DCDC2C: variants seen among roughly 807,000 people sequenced by gnomAD.
The protein encoded by DCDC2C is doublecortin domain containing 2C, also known as doublecortin domain-containing protein 2C.
A neutral mutation model predicts 45.0 loss-of-function variants in DCDC2C; 44 were observed. That is an observed-to-expected ratio of 0.98 (90% CI 0.77 to 1.26). The LOEUF (loss-of-function observed/expected upper bound fraction) is 1.26. DCDC2C is among the 50% of genes most tolerant of loss of function. DCDC2C has a pLI of 0.00. For missense variants in DCDC2C, 447 were observed against 468.9 expected (o/e 0.95, Z 0.43); for synonymous variants, 187 against 178.8 (o/e 1.05, Z -0.37).
intron 10 of DCDC2C, among the ~76,000 whole-genome samples, chr2:3,827,768 A>C (rs576365380): frequency 6.6e-5 from 10 of 152,274 alleles, no homozygotes; most frequent in Admixed American, 1.3e-4. Context: ...AGATATTAAA[A>C]TATAAAGATG....
At chr2:3,812,295 C>G (rs1671418664) in intron 10 of DCDC2C, among the ~76,000 whole-genome samples, 1 of 151,476 alleles carries the variant, frequency 6.6e-6, no homozygotes, top group South Asian at 2.1e-4. Flanking sequence ...TCAACTTCTT[C>G]CTTGGTTAGT....
intron 6 of DCDC2C, among the ~76,000 whole-genome samples, chr2:3,755,531 G>A (rs1384926248): frequency 6.7e-6 from 1 of 149,932 alleles, no homozygotes; most frequent in Admixed American, 6.8e-5. Flanking sequence ...ATGTGCGTAT[G>A]TATGAATGTG....
rs150908313 is a variant in DCDC2C, at chr2:3,736,337, C to T, written c.417-5583C>T. On this transcript the variant is annotated intron_variant, in intron 3 of 10. Transcript: ENST00000399143. ...TGAGAAAGAGGCAAGTCGTGAGGCACAGGATCAAAACCCACCCCTGGTGAA... is the reference window on the plus strand; with the variant it reads ...TGAGAAAGAGGCAAGTCGTGAGGCATAGGATCAAAACCCACCCCTGGTGAA... Among the ~76,000 whole-genome samples, 591 of 152,292 alleles carry T rather than the reference C, an allele frequency of 3.9e-3. 4 individuals carry two copies. Among genetic ancestry groups the T allele is most frequent in the African/African-American group, 0.013 (558 of 41,552 alleles).
intron 10 of DCDC2C, among the ~76,000 whole-genome samples, 195 bp from the exon 11 acceptor site, chr2:3,846,959 G>A (rs1370202627): frequency 6.6e-6 from 1 of 152,216 alleles, no homozygotes; most frequent in Non-Finnish European, 1.5e-5. Flanking sequence ...CTGCACGGCG[G>A]CATGTTGCCG....
At chr2:3,733,590 G>C (rs1371773899) in intron 3 of DCDC2C, among the ~76,000 whole-genome samples, 1 of 152,186 alleles carries the variant, frequency 6.6e-6, no homozygotes, top group Non-Finnish European at 1.5e-5. Context: ...CGAGATTGAG[G>C]TGCTAGCAGG....
intron 6 of DCDC2C, among the ~76,000 whole-genome samples, chr2:3,764,991 G>A (rs1401090941): frequency 6.6e-6 from 1 of 152,216 alleles, no homozygotes; most frequent in Non-Finnish European, 1.5e-5. Flanking sequence ...TGTTTCTGTT[G>A]TGAGGAAACA....
intron 3 of DCDC2C, among the ~76,000 whole-genome samples, chr2:3,728,332 T>G (rs1369064636): frequency 6.6e-6 from 1 of 152,240 alleles, no homozygotes; most frequent in Non-Finnish European, 1.5e-5. Context: ...TACACAGATC[T>G]TTCCACACCA....
At position 3,798,272 on chromosome 2, in the gene DCDC2C, G is replaced by A. The variant is rs1330256039; in HGVS notation, c.1065+13172G>A. Among the ~76,000 whole-genome samples the A allele has an allele frequency of 4.6e-5, 7 of 151,802 alleles. No individual in the cohort carries two copies. The East Asian group carries it at 5.8e-4, about 13-fold the overall frequency. The stretch of plus-strand genomic sequence containing the variant: ...TTTGAGCCTATGTGTGTCTCTGCAC[G>A]TGAGATGGGTTTCCTGAATACAGCA... On this transcript the variant is annotated intron_variant, in intron 10 of 10. Transcript: ENST00000399143.
At chr2:3,844,615 G>T (rs553757075) in intron 10 of DCDC2C, 3 of 152,124 alleles carry the variant, frequency 2.0e-5, no homozygotes, top group African/African-American at 7.2e-5. Context: ...AAATAAAAGC[G>T]GACATTTTTT....
At chr2:3,793,226 C>T (rs76384737) in intron 10 of DCDC2C, among the ~76,000 whole-genome samples, 15,137 of 152,214 alleles carry the variant, frequency 0.099, 1,027 homozygotes, top group East Asian at 0.29. Context: ...CGCAAATTTA[C>T]ACCTTGATTT....
At chr2:3,843,917 C>T (rs1391094317) in intron 10 of DCDC2C, among the ~76,000 whole-genome samples, 1 of 151,902 alleles carries the variant, frequency 6.6e-6, no homozygotes, top group Non-Finnish European at 1.5e-5. Flanking sequence ...CTTGTAATAC[C>T]CTATGTGAAA....
intron 10 of DCDC2C, among the ~76,000 whole-genome samples, chr2:3,808,903 A>AT: frequency 6.6e-6 from 1 of 152,272 alleles, no homozygotes; most frequent in African/African-American, 2.4e-5. Context: ...TCCAGGACCC[A>AT]TTTTGAGTTA....
At chr2:3,813,690 G>T (rs1671476889) in intron 10 of DCDC2C, among the ~76,000 whole-genome samples, 3 of 141,674 alleles carry the variant, frequency 2.1e-5, no homozygotes, top group Admixed American at 7.0e-5. Context: ...GACCTTTGCT[G>T]GTTAAAGTCT....
In DCDC2C at chr2:3,703,745, C is replaced by A. The variant is rs1353134713; in HGVS notation, c.-7C>A. 42 of 1,230,394 alleles carry A rather than the reference C, an allele frequency of 3.4e-5. No homozygotes were observed. The highest frequency in any genetic ancestry group is 4.1e-5 in the Non-Finnish European group (40 of 986,536). The allele number at this position is 1,230,394 out of a possible 1,614,324, so 76.2% of individuals were successfully genotyped here. A position where few individuals can be genotyped will look rare whatever the true frequency, so the allele number is the denominator to read the frequency against. On this transcript the variant is annotated 5_prime_UTR_variant, in exon 1 of 11. Coordinates refer to ENST00000399143, the MANE Select transcript of DCDC2C (RefSeq NM_001287444.2). The surrounding 1 kb of genome is among the most constrained non-coding windows in gnomAD (Gnocchi z 4.4). ...CGGCCCCGGCGAGCGAGGAGCGGGGCGCGGCTATGGGAACCCGCGGGCCCT... is the reference window on the plus strand; with the variant it reads ...CGGCCCCGGCGAGCGAGGAGCGGGGAGCGGCTATGGGAACCCGCGGGCCCT...
chr2:3,766,070 T>G (rs1366982806), intron 6 of DCDC2C, among the ~76,000 whole-genome samples: 1 of 152,094 alleles, frequency 6.6e-6, no homozygotes, highest in Non-Finnish European at 1.5e-5. Context: ...TTACTTTCGT[T>G]TTGGGTGACT....
At chr2:3,725,134 G>A in intron 2 of DCDC2C, among the ~76,000 whole-genome samples, 1 of 152,184 alleles carries the variant, frequency 6.6e-6, no homozygotes, top group East Asian at 1.9e-4. Context: ...TATGCTGGGA[G>A]TTTCCTGGGT....
chr2:3,779,053 C>T (rs1558223527), intron 9 of DCDC2C, among the ~76,000 whole-genome samples, 169 bp downstream of exon 9: 1 of 152,080 alleles, frequency 6.6e-6, no homozygotes, highest in Admixed American at 6.5e-5. Context: ...TGGACACGAT[C>T]GGGTTTCCTG....
chr2:3,765,789 TTGTC>T (rs1482974754), intron 6 of DCDC2C, among the ~76,000 whole-genome samples: 1 of 152,044 alleles, frequency 6.6e-6, no homozygotes, highest in African/African-American at 2.4e-5. Context: ...CATCAATAAA[TTGTC>T]TGTGGATTAC....
chr2:3,747,274 A>C (rs901577372), intron 4 of DCDC2C, among the ~76,000 whole-genome samples: 1 of 152,196 alleles, frequency 6.6e-6, no homozygotes, highest in Non-Finnish European at 1.5e-5. Flanking sequence ...GCTGCCCTGC[A>C]TCGTGGGCAC....
Sources: gnomAD v4.1 joint callset for allele counts (sites outside exome capture counted in the v4.1 genomes callset) on GRCh38, gnomAD v4.1.1 for gene constraint, Gnocchi (gnomAD v3.1) non-coding constraint, MANE v1.5 for transcripts, NCBI Gene and HGNC (gene_info 2026-07-23, HGNC 2026-07-21) for gene names.